DNAH9: variants seen among roughly 807,000 people sequenced by gnomAD.
DNAH9 encodes the protein dynein axonemal heavy chain 9, also known as DNAH9 variant protein.
In DNAH9, 345 loss-of-function variants were observed where a neutral mutation model predicts 471.6. The observed-to-expected ratio is 0.73, with a 90% CI of 0.67 to 0.80. DNAH9 has a LOEUF of 0.80. Ranked by LOEUF, DNAH9 falls within the 30% of genes least tolerant of loss-of-function variation. DNAH9 has a pLI of 0.00. For synonymous variants in DNAH9, 2,093 were observed against 2,123.6 expected (o/e 0.99, Z 0.40); for missense variants, 5,407 against 5,609.2 (o/e 0.96, Z 1.15).
intron 31 of DNAH9, among the ~76,000 whole-genome samples, chr17:11,747,151 G>A (rs1386603789): frequency 6.6e-6 from 1 of 152,166 alleles, no homozygotes; most frequent in Non-Finnish European, 1.5e-5. Context: ...TGTAAGTTAT[G>A]TGTACAAAAT....
chr17:11,940,040 G>C (rs1198198222), intron 66 of DNAH9, among the ~76,000 whole-genome samples: 8 of 152,206 alleles, frequency 5.3e-5, no homozygotes, highest in Non-Finnish European at 1.2e-4. Context: ...TCTCCCACAG[G>C]GGGAAGAGTT....
chr17:11,764,636 C>A (rs1042005827), intron 36 of DNAH9, among the ~76,000 whole-genome samples: 11 of 152,012 alleles, frequency 7.2e-5, no homozygotes, highest in Admixed American at 2.0e-4. Flanking sequence ...TCTTCTGTGC[C>A]TGGCTTATTT....
At chr17:11,859,214 A>G (rs574844035) in intron 50 of DNAH9, among the ~76,000 whole-genome samples, 1 of 151,930 alleles carries the variant, frequency 6.6e-6, no homozygotes, top group East Asian at 1.9e-4. Context: ...GGAGTTTGAG[A>G]CCACCTCGGC....
intron 49 of DNAH9, among the ~76,000 whole-genome samples, chr17:11,843,889 A>ATATATATATATG (rs1339573331): frequency 4.0e-4 from 55 of 137,220 alleles, no homozygotes; most frequent in African/African-American, 1.4e-3. Context: ...ATATATATAT[A>ATATATATATATG]TACACATAGA....
Position 11,835,107 on chromosome 17 carries a change from T to A in DNAH9, c.9507+209T>A, listed in dbSNP as rs368599514. On this transcript the variant is annotated intron_variant, in intron 49 of 68. Coordinates refer to ENST00000262442, the MANE Select transcript of DNAH9 (RefSeq NM_001372.4). ...ACCAATGAAATCCCGGAGATGGGAA[T>A]CTTAGAACCAGACAGAACATGAAAA... Among the ~76,000 whole-genome samples the A allele has an allele frequency of 1.4e-4, 21 of 152,204 alleles. 1 individual carries two copies. Among genetic ancestry groups the A allele is most frequent in the Admixed American group, 1.0e-3 (16 of 15,278 alleles).
chr17:11,727,045 CT>C, intron 27 of DNAH9, among the ~76,000 whole-genome samples: 1 of 45,144 alleles, frequency 2.2e-5, no homozygotes, highest in African/African-American at 1.1e-4. Context: ...GAGACTCCGT[CT>C]CAAAAAAAAA....
intron 30 of DNAH9, among the ~76,000 whole-genome samples, chr17:11,742,526 C>T (rs2277656): frequency 6.6e-6 from 1 of 152,182 alleles, no homozygotes; most frequent in Non-Finnish European, 1.5e-5. Flanking sequence ...CCTCAAAACT[C>T]CATTTTGTAA....
intron 50 of DNAH9, among the ~76,000 whole-genome samples, chr17:11,859,140 T>A (rs1351165310): frequency 1.4e-5 from 2 of 145,462 alleles, no homozygotes; most frequent in Non-Finnish European, 3.0e-5. Context: ...CAGCCAGGCA[T>A]GGTGGCTCAC....
At chr17:11,726,973 G>C (rs1445222822) in intron 27 of DNAH9, among the ~76,000 whole-genome samples, 1 of 139,990 alleles carries the variant, frequency 7.1e-6, no homozygotes, top group Non-Finnish European at 1.5e-5. Context: ...GCTTGAACCT[G>C]GGAGGTGGAG....
chr17:11,693,919 G>A lies in DNAH9; in HGVS notation c.4666G>A (p.Asp1556Asn). 2 of 1,614,150 alleles carry A rather than the reference G, an allele frequency of 1.2e-6. No individual in the cohort carries two copies. Among genetic ancestry groups the A allele is most frequent in the South Asian group, 1.1e-5 (1 of 91,078 alleles). Residue 1556 changes from aspartate to asparagine, a missense_variant, in exon 21 of 69, where the codon GAT (aspartate) becomes AAT (asparagine). Transcript: ENST00000262442. ...CATTGACTTTAAAGAGCTAGCTTATGATGCCCAGAAAATTCCAAATGTAGT... is the reference window on the plus strand; with the variant it reads ...CATTGACTTTAAAGAGCTAGCTTATAATGCCCAGAAAATTCCAAATGTAGT... ...IDIDFKELAYDAQKIPNVVQT... is the reference protein window; with the variant it reads ...IDIDFKELAYNAQKIPNVVQT...
intron 40 of DNAH9, 37 bp downstream of exon 40, chr17:11,783,785 A>G (rs1567799883): frequency 2.6e-6 from 4 of 1,538,436 alleles, no homozygotes; most frequent in Middle Eastern, 1.7e-4. Flanking sequence ...TCCTAATCCT[A>G]TCTTACTAGA....
chr17:11,755,294 T>G (rs1967331474), intron 33 of DNAH9, among the ~76,000 whole-genome samples: 2 of 152,220 alleles, frequency 1.3e-5, no homozygotes, highest in South Asian at 4.1e-4. Context: ...ATGATTGCCT[T>G]AGCTATTCTG....
In DNAH9 at chr17:11,831,554, T is replaced by C. The variant is rs1159212933; in HGVS notation, c.9247-3084T>C. Among the ~76,000 whole-genome samples, 3 of 152,228 alleles carry C rather than the reference T, an allele frequency of 2.0e-5. No homozygotes were observed. In the East Asian group the frequency reaches 5.8e-4, roughly 29 times the overall value. On this transcript the variant is annotated intron_variant, in intron 48 of 68. Coordinates refer to ENST00000262442, the MANE Select transcript of DNAH9 (RefSeq NM_001372.4). ...GGTTTGGAGGGTCAAATATCCAGACTATAACAGTCTCCAGCCCTCAGTGTA... is the reference window on the plus strand; with the variant it reads ...GGTTTGGAGGGTCAAATATCCAGACCATAACAGTCTCCAGCCCTCAGTGTA...
intron 27 of DNAH9, among the ~76,000 whole-genome samples, chr17:11,720,337 G>A (rs998763916): frequency 6.6e-6 from 1 of 151,578 alleles, no homozygotes; most frequent in African/African-American, 2.4e-5. Context: ...CCATGTTGGT[G>A]TGCTGCACCC....
chr17:11,638,308 C>G (rs1218853726), intron 9 of DNAH9, among the ~76,000 whole-genome samples: 2 of 152,198 alleles, frequency 1.3e-5, no homozygotes, highest in Non-Finnish European at 2.9e-5. Context: ...TTTGAAAACT[C>G]AAATGCCTCC....
At position 11,956,568 on chromosome 17, in the gene DNAH9, A is replaced by G. The variant is rs114614844; in HGVS notation, c.12844-5299A>G. ...CACAGAACACTCACCAAAATCAACT[A>G]TATTTTATGTCATAAAGCAATATGA... On this transcript the variant is annotated intron_variant, in intron 67 of 68. Coordinates refer to ENST00000262442, the MANE Select transcript of DNAH9 (RefSeq NM_001372.4). Among the ~76,000 whole-genome samples the G allele has an allele frequency of 6.5e-3, 989 of 152,262 alleles. 16 individuals carry two copies. Among genetic ancestry groups the G allele is most frequent in the African/African-American group, 0.023 (941 of 41,556 alleles).
rs1400056096 is a variant in DNAH9, at chr17:11,623,099, A to G, written c.1350+3318A>G. On this transcript the variant is annotated intron_variant, in intron 6 of 68. Transcript: ENST00000262442. This position sits in a 1 kb window ranked among gnomAD's most constrained non-coding sequence, Gnocchi z 4.1. ...AGCGATTCTCCTGCCTCAGCCTCCC[A>G]AGTAGCTGGGATTACAGGCATGTGC... Among the ~76,000 whole-genome samples, 7 of 148,836 alleles carry G rather than the reference A, an allele frequency of 4.7e-5. No homozygotes were observed. Among genetic ancestry groups the G allele is most frequent in the South Asian group, 4.3e-4 (2 of 4,696 alleles).
At chr17:11,747,301 A>G (rs1966919154) in intron 31 of DNAH9, among the ~76,000 whole-genome samples, 1 of 152,212 alleles carries the variant, frequency 6.6e-6, no homozygotes. Flanking sequence ...GGAGGATCAC[A>G]TCTGAATCCC....
At chr17:11,746,869 T>C (rs772666771) in intron 31 of DNAH9, among the ~76,000 whole-genome samples, 1 of 152,174 alleles carries the variant, frequency 6.6e-6, no homozygotes, top group Non-Finnish European at 1.5e-5. Context: ...TGCACCCTTT[T>C]TGAGTAAGTT....
Sources: allele counts gnomAD v4.1 joint callset (sites outside exome capture counted in the v4.1 genomes callset), GRCh38; gene constraint gnomAD v4.1.1; non-coding constraint Gnocchi (gnomAD v3.1); transcripts MANE v1.5; gene names NCBI Gene and HGNC (gene_info 2026-07-23, HGNC 2026-07-21).